SLC25A33: variants seen among roughly 807,000 people sequenced by gnomAD.
The protein encoded by SLC25A33 is bone marrow stromal cell mitochondrial carrier protein.
In SLC25A33, 15 loss-of-function variants were observed where a neutral mutation model predicts 35.5. The observed-to-expected ratio is 0.42, with a 90% confidence interval of 0.28 to 0.65. The LOEUF (loss-of-function observed/expected upper bound fraction) is 0.65. Ranked by LOEUF, SLC25A33 falls within the 30% of genes least tolerant of loss-of-function variation. The pLI is 0.20. For synonymous variants in SLC25A33, 136 were observed against 148.7 expected (o/e 0.91, Z 0.62); for missense variants, 257 against 398.5 (o/e 0.64, Z 3.02).
chr1:9,577,932 G>T (rs1643686322), intron 5 of SLC25A33, among the ~76,000 whole-genome samples: 1 of 152,116 alleles, frequency 6.6e-6, no homozygotes, highest in Admixed American at 6.6e-5. Context: ...TGGATGTTTT[G>T]TTTTGTTTTG....
intron 2 of SLC25A33, among the ~76,000 whole-genome samples, chr1:9,555,457 T>C (rs2100383064): frequency 6.6e-6 from 1 of 152,226 alleles, no homozygotes; most frequent in Admixed American, 6.6e-5. Context: ...TAAGGCAGGA[T>C]GAGTTGGAGA....
chr1:9,570,468 T>A (rs1023114582), intron 4 of SLC25A33, 110 bp downstream of exon 4: 50 of 930,966 alleles, frequency 5.4e-5, no homozygotes, highest in Non-Finnish European at 7.5e-5. Flanking sequence ...CCTTTGCACC[T>A]AAAATTGTTT....
At chr1:9,563,649 A>G (rs998125620) in intron 2 of SLC25A33, among the ~76,000 whole-genome samples, 3 of 152,222 alleles carry the variant, frequency 2.0e-5, no homozygotes, top group African/African-American at 7.2e-5. Context: ...TTTTCCATAA[A>G]GTGAAAGACC....
chr1:9,582,628 C>A lies in SLC25A33; in HGVS notation c.*127C>A. The stretch of plus-strand genomic sequence containing the variant: ...CCATAAAATATCTGGTTCATATCAC[C>A]TGTTGGACATTTCCTTTTGGATTCA... On this transcript the variant is annotated 3_prime_UTR_variant, in exon 7 of 7. Coordinates refer to ENST00000302692, the MANE Select transcript of SLC25A33 (RefSeq NM_032315.3). The surrounding 1 kb of genome is among the most constrained non-coding windows in gnomAD (Gnocchi z 4.0). The A allele has an allele frequency of 1.2e-6, 1 of 839,040 alleles. No individual in the cohort carries two copies. Among genetic ancestry groups the A allele is most frequent in the Admixed American group, 2.9e-5 (1 of 34,474 alleles). The allele number at this position is 839,040 out of a possible 1,614,324, so 52.0% of individuals were successfully genotyped here.
chr1:9,554,143 T>C (rs1296490160), intron 2 of SLC25A33, among the ~76,000 whole-genome samples: 1 of 152,196 alleles, frequency 6.6e-6, no homozygotes, highest in Admixed American at 6.5e-5. Context: ...ATTTTAAAAA[T>C]TGCACAACAG....
At chr1:9,541,241 C>T (rs1320564330) in intron 1 of SLC25A33, among the ~76,000 whole-genome samples, 2 of 151,816 alleles carry the variant, frequency 1.3e-5, no homozygotes, top group Admixed American at 6.6e-5. Flanking sequence ...GCAAGCTCCG[C>T]CTCCCGGGTT....
At position 9,580,355 on chromosome 1, in the gene SLC25A33, A is replaced by G. The variant is rs1285574001; in HGVS notation, c.763+121A>G. On this transcript the variant is annotated intron_variant, in intron 6 of 6. Coordinates refer to ENST00000302692, the MANE Select transcript of SLC25A33 (RefSeq NM_032315.3). ...AGGATCCCTGCAGGTAAGGTCAGTG[A>G]GTATGAGGGAAACAGCTCTAACCGC... 4 of 1,278,504 alleles carry G rather than the reference A, an allele frequency of 3.1e-6. No individual in the cohort carries two copies. In the African/African-American group the frequency reaches 4.5e-5, roughly 14 times the overall value. 79.2% of individuals were successfully genotyped at this position (1,278,504 alleles called of 1,614,324 possible).
chr1:9,556,681 CTGTG>C (rs139323135), intron 2 of SLC25A33, among the ~76,000 whole-genome samples: 30 of 149,388 alleles, frequency 2.0e-4, no homozygotes, highest in Admixed American at 7.4e-4. Context: ...GTGTCTGTGT[CTGTG>C]TGTGTGTGTG....
At chr1:9,541,522 C>G (rs1643081673) in intron 1 of SLC25A33, among the ~76,000 whole-genome samples, 1 of 152,010 alleles carries the variant, frequency 6.6e-6, no homozygotes, top group Admixed American at 6.6e-5. Context: ...GCACTCCTGA[C>G]CTCAAGTGAT....
intron 3 of SLC25A33, among the ~76,000 whole-genome samples, chr1:9,567,831 C>A (rs1643533466): frequency 6.6e-6 from 1 of 152,226 alleles, no homozygotes; most frequent in Non-Finnish European, 1.5e-5. Context: ...ATCCTCATAT[C>A]TTTGCAGGGC....
rs147215563 is a variant in SLC25A33 at position 9,540,684 on chromosome 1, A to C, written c.56+937A>C. On this transcript the variant is annotated intron_variant, in intron 1 of 6. Transcript: ENST00000302692. ...CATCGGCCTGGCACAGGAATTTTTG[A>C]GTGTAGGATATTTTGCATAAAATAG... Among the ~76,000 whole-genome samples, 790 of 152,194 alleles carry C rather than the reference A, an allele frequency of 5.2e-3. 21 individuals are homozygous for C. Among genetic ancestry groups the C allele is most frequent in the Admixed American group, 0.033 (512 of 15,286 alleles).
chr1:9,547,556 A>T (rs1169695358), intron 1 of SLC25A33, among the ~76,000 whole-genome samples: 1 of 152,180 alleles, frequency 6.6e-6, no homozygotes, highest in East Asian at 1.9e-4. Flanking sequence ...ACGGTCTTCA[A>T]ATAGTGCCCA....
chr1:9,567,300 GA>G lies in SLC25A33; in HGVS notation c.254del (p.Glu85GlyfsTer61), dbSNP rs755549236. On this transcript the variant is annotated frameshift_variant, in exon 3 of 7. Coordinates refer to ENST00000302692, the MANE Select transcript of SLC25A33 (RefSeq NM_032315.3). LOFTEE classifies it high-confidence loss of function. The part of the protein sequence containing the change: ...FQVLKSILEK[E>X]GPKSLFRGLG... ...ATTATTCAGGTCGATCTTGGAGAAA[GA>G]GGGACCAAAGTCACTTTTTAGAGGC... is the stretch of plus-strand genomic sequence containing the variant. The G allele has an allele frequency of 3.7e-6, 6 of 1,614,000 alleles. No individual in the cohort carries two copies. Among genetic ancestry groups the G allele is most frequent in the Non-Finnish European group, 8.5e-7 (1 of 1,179,964 alleles).
At chr1:9,556,058 A>G in intron 2 of SLC25A33, 2 of 280,270 alleles carry the variant, frequency 7.1e-6, no homozygotes, top group Non-Finnish European at 1.1e-5. Context: ...GGGTGGGTAC[A>G]GGAGGGACAG....
At chr1:9,545,714 T>C (rs2100368458) in intron 1 of SLC25A33, among the ~76,000 whole-genome samples, 1 of 149,234 alleles carries the variant, frequency 6.7e-6, no homozygotes, top group Non-Finnish European at 1.5e-5. Flanking sequence ...CCCAGCACTT[T>C]AAAAGGAGGC....
chr1:9,564,738 AAAT>A lies in SLC25A33; in HGVS notation c.237-2544_237-2542del, dbSNP rs1312490005. Among the ~76,000 whole-genome samples the A allele has an allele frequency of 2.0e-3, 166 of 84,592 alleles. 1 individual carries two copies. In the East Asian group the frequency reaches 0.039, roughly 20 times the overall value. The allele number at this position is 84,592 out of a possible 152,430, so 55.5% of individuals were successfully genotyped here. A position where few individuals can be genotyped will look rare whatever the true frequency, so the allele number is the denominator to read the frequency against. ...CTCGTCTCTATTTAAAAAAAAAAAA[AAAT>A]ATATATATATATATATATATATATA... On this transcript the variant is annotated intron_variant, in intron 2 of 6. Transcript: ENST00000302692.
At position 9,552,036 on chromosome 1, in the gene SLC25A33, C is replaced by A. The variant is rs114370414; in HGVS notation, c.57-1590C>A. ...ATTTTAGGATAAATAAGTGAGTTGCCTTGAAGAAAAATATTTAAATAGTAA... is the reference window on the plus strand; with the variant it reads ...ATTTTAGGATAAATAAGTGAGTTGCATTGAAGAAAAATATTTAAATAGTAA... On this transcript the variant is annotated intron_variant, in intron 1 of 6. Transcript: ENST00000302692. 5.6e-3 allele frequency among the ~76,000 whole-genome samples: 851 copies of A among 152,048 alleles called. 6 individuals carry two copies. The highest frequency in any genetic ancestry group is 0.019 in the African/African-American group (807 of 41,474).
At chr1:9,541,103 T>A (rs917310232) in intron 1 of SLC25A33, among the ~76,000 whole-genome samples, 23 of 151,716 alleles carry the variant, frequency 1.5e-4, no homozygotes, top group African/African-American at 5.3e-4. Flanking sequence ...TGCCTCAGCC[T>A]CCCGAGTAGC....
At chr1:9,557,091 G>T (rs962820440) in intron 2 of SLC25A33, among the ~76,000 whole-genome samples, 1 of 152,054 alleles carries the variant, frequency 6.6e-6, no homozygotes, top group Non-Finnish European at 1.5e-5. Context: ...GTGCTACCAC[G>T]CCCGGCTAAT....
Sources: gnomAD v4.1 joint callset for allele counts (sites outside exome capture counted in the v4.1 genomes callset) on GRCh38, gnomAD v4.1.1 for gene constraint, Gnocchi (gnomAD v3.1) non-coding constraint, MANE v1.5 for transcripts, NCBI Gene and HGNC (gene_info 2026-07-23, HGNC 2026-07-21) for gene names.